SVOP: variants seen among roughly 807,000 people sequenced by gnomAD.
SVOP encodes the protein SV2 related protein.
SVOP carries 17 observed loss-of-function variants against 69.1 expected under a neutral mutation model. That is an observed-to-expected ratio of 0.25 (90% CI 0.17 to 0.37). The LOEUF (loss-of-function observed/expected upper bound fraction) is 0.37, where lower values mean the gene tolerates loss of function less well. Ranked by LOEUF, SVOP falls within the 10% of genes least tolerant of loss-of-function variation. SVOP has a pLI of 1.00. For synonymous variants in SVOP, 238 were observed against 238.6 expected (o/e 1.00, Z 0.02); for missense variants, 435 against 597.5 (o/e 0.73, Z 2.84).
At chr12:108,925,502 A>G (rs1012701136) in intron 11 of SVOP, among the ~76,000 whole-genome samples, 11 of 152,172 alleles carry the variant, frequency 7.2e-5, no homozygotes, top group African/African-American at 2.7e-4. Flanking sequence ...ACGTCAGTCA[A>G]AGGGATACTT....
intron 1 of SVOP, among the ~76,000 whole-genome samples, chr12:108,988,752 T>TCCC (rs374729528): frequency 7.0e-6 from 1 of 143,068 alleles, no homozygotes; most frequent in Non-Finnish European, 1.5e-5. Flanking sequence ...ATTTCTTCCT[T>TCCC]TCTTACTTCT....
At chr12:108,950,115 G>A (rs2039945906) in intron 6 of SVOP, among the ~76,000 whole-genome samples, 1 of 152,184 alleles carries the variant, frequency 6.6e-6, no homozygotes. Context: ...CCAGGCTGGA[G>A]TGTAATGGTG....
At chr12:108,939,004 CAG>C (rs1422874184) in intron 8 of SVOP, 49 bp from the exon 9 acceptor site, 13 of 1,612,666 alleles carry the variant, frequency 8.1e-6, no homozygotes, top group Non-Finnish European at 1.1e-5. Context: ...TAGGGTGGAA[CAG>C]AGCACTCGCT....
At position 108,908,968 on chromosome 12, in the gene SVOP, A is replaced by C. The variant is rs2039663917; in HGVS notation, c.*3567T>G. ...TGCCAGGGGACTTCCTTTTCTAACCAAAACCAACAGACTCTTCTGAAAGAA... is the reference window on the plus strand; with the variant it reads ...TGCCAGGGGACTTCCTTTTCTAACCCAAACCAACAGACTCTTCTGAAAGAA... On this transcript the variant is annotated 3_prime_UTR_variant, in exon 16 of 16. Transcript: ENST00000610966. The C allele has an allele frequency of 6.6e-6, 1 of 152,200 alleles. No individual in the cohort carries two copies. The allele number at this position is 152,200 out of a possible 1,614,324, so 9.4% of individuals were successfully genotyped here.
At chr12:108,956,130 C>G (rs1436348176) in intron 6 of SVOP, among the ~76,000 whole-genome samples, 1 of 134,436 alleles carries the variant, frequency 7.4e-6, no homozygotes, top group African/African-American at 2.5e-5. Flanking sequence ...GAAACCCCGT[C>G]TCTACTAAAA....
chr12:108,930,801 T>C (rs891840244), intron 11 of SVOP, among the ~76,000 whole-genome samples: 1 of 152,180 alleles, frequency 6.6e-6, no homozygotes, highest in Admixed American at 6.5e-5. Flanking sequence ...TGTTCACACA[T>C]CCAGTTAGGT....
At chr12:108,974,343 G>C (rs143553941) in intron 4 of SVOP, among the ~76,000 whole-genome samples, 3,618 of 152,262 alleles carry the variant, frequency 0.024, 50 homozygotes, top group Middle Eastern at 0.068. Context: ...ATTATATGTT[G>C]TTGTTGTGGT....
intron 4 of SVOP, 79 bp downstream of exon 4, chr12:108,977,319 A>G: frequency 6.8e-7 from 1 of 1,468,174 alleles, no homozygotes; most frequent in Non-Finnish European, 9.1e-7. Flanking sequence ...CTTCGGCAGC[A>G]GGAGAAGGGA....
chr12:108,916,487 G>A (rs1281786758), intron 14 of SVOP, among the ~76,000 whole-genome samples: 1 of 152,158 alleles, frequency 6.6e-6, no homozygotes, highest in Non-Finnish European at 1.5e-5. Flanking sequence ...CATGGGGGTG[G>A]GGGTTGCTGT....
At chr12:108,937,764 G>A (rs545946558) in intron 9 of SVOP, among the ~76,000 whole-genome samples, 12 of 152,270 alleles carry the variant, frequency 7.9e-5, no homozygotes, top group Admixed American at 6.5e-4. Flanking sequence ...TTCACCAAAG[G>A]CCAATTTACC....
At chr12:108,926,141 G>A (rs948409775) in intron 11 of SVOP, among the ~76,000 whole-genome samples, 10 of 152,042 alleles carry the variant, frequency 6.6e-5, no homozygotes, top group Middle Eastern at 3.4e-3. Context: ...GGTTGGTCTC[G>A]AACTCCTAGC....
intron 6 of SVOP, 110 bp from the exon 7 acceptor site, chr12:108,945,276 C>T: frequency 5.2e-6 from 5 of 970,088 alleles, no homozygotes; most frequent in East Asian, 2.6e-5. Flanking sequence ...GTCAGTGAAC[C>T]ACTTACATCA....
chr12:108,979,228 A>G (rs375115707), intron 2 of SVOP, among the ~76,000 whole-genome samples: 10,087 of 148,796 alleles, frequency 0.068, 389 homozygotes, highest in Middle Eastern at 0.16. Context: ...CAGAAAAAAA[A>G]GAAATACTTC....
At chr12:108,999,790 A>G (rs1270293429) in intron 1 of SVOP, among the ~76,000 whole-genome samples, 3 of 150,552 alleles carry the variant, frequency 2.0e-5, no homozygotes, top group African/African-American at 7.3e-5. Flanking sequence ...ACATACCAGA[A>G]TCTCTGGGAC....
chr12:108,928,398 C>A (rs1647672032), intron 11 of SVOP, among the ~76,000 whole-genome samples: 1 of 152,078 alleles, frequency 6.6e-6, no homozygotes, highest in African/African-American at 2.4e-5. Context: ...TTTCTTATCA[C>A]CCTGGCCTGT....
intron 6 of SVOP, among the ~76,000 whole-genome samples, chr12:108,951,559 G>A (rs1828208545): frequency 6.6e-6 from 1 of 152,184 alleles, no homozygotes. Context: ...GAGAGAAAGT[G>A]TAATTAATCT....
intron 13 of SVOP, among the ~76,000 whole-genome samples, 195 bp from the exon 14 acceptor site, chr12:108,918,319 C>T (rs1483857528): frequency 1.3e-5 from 2 of 152,168 alleles, no homozygotes; most frequent in Non-Finnish European, 2.9e-5. Flanking sequence ...GTTAATCATT[C>T]CTCAAAGTAA....
chr12:109,009,520 C>G (rs1257387182), intron 1 of SVOP, among the ~76,000 whole-genome samples: 3 of 152,090 alleles, frequency 2.0e-5, no homozygotes, highest in Non-Finnish European at 4.4e-5. Context: ...TCAAGCGATT[C>G]TCCTGCCTCA....
chr12:109,010,448 G>C (rs994704307), intron 1 of SVOP, among the ~76,000 whole-genome samples: 1 of 152,160 alleles, frequency 6.6e-6, no homozygotes, highest in Admixed American at 6.5e-5. Flanking sequence ...AAGACCCAAG[G>C]CCACCCAAAC....
Sources: gnomAD v4.1 joint callset for allele counts (sites outside exome capture counted in the v4.1 genomes callset) on GRCh38, gnomAD v4.1.1 for gene constraint, MANE v1.5 for transcripts, NCBI Gene and HGNC (gene_info 2026-07-23, HGNC 2026-07-21) for gene names.